PCSK7: variants seen among roughly 807,000 people sequenced by gnomAD.
PCSK7 encodes the protein lymphoma proprotein convertase.
A neutral mutation model predicts 73.3 loss-of-function variants in PCSK7; 38 were observed. The observed-to-expected ratio is 0.52, with a 90% CI of 0.40 to 0.68. The LOEUF (loss-of-function observed/expected upper bound fraction) is 0.68. PCSK7 is among the 30% of genes least tolerant of loss of function. The pLI, the probability that PCSK7 is intolerant of heterozygous loss-of-function variation, is 0.00. For missense variants in PCSK7, 692 were observed against 991.5 expected, an observed-to-expected ratio of 0.70 and a Z score of 4.06; for synonymous variants, 296 against 383.8, an observed-to-expected ratio of 0.77 and a Z score of 2.68.
chr11:117,220,664 C>T (rs2032156398), intron 9 of PCSK7: 1 of 152,340 alleles, frequency 6.6e-6, no homozygotes, highest in Non-Finnish European at 1.5e-5. Context: ...AGGGGAGCTA[C>T]TGGGCCCAGC....
Position 117,224,091 on chromosome 11 carries a change from G to A in PCSK7, c.1041C>T (p.Tyr347=), listed in dbSNP as rs2032313100. The change falls in exon 8 of 17, where the codon TAC becomes TAT. Residue 347 remains tyrosine, a synonymous_variant. Coordinates refer to ENST00000320934, the MANE Select transcript of PCSK7 (RefSeq NM_004716.4). ...CNYDGYANSI[Y]TVTIGAVDEE... is the part of the protein sequence containing the mutation. The stretch of plus-strand genomic sequence containing the variant: ...TTGGGTGACTACCTATGGTGACGGT[G>A]TAGATGGAGTTGGCGTAGCCATCGT... 9.9e-6 allele frequency: 16 copies of A among 1,614,106 alleles called. No homozygotes were observed. Among genetic ancestry groups the A allele is most frequent in the East Asian group, 6.7e-5 (3 of 44,900 alleles).
Position 117,229,596 on chromosome 11 carries a change from C to T in PCSK7, c.249G>A (p.Leu83=). 6.2e-7 allele frequency: 1 copy of T among 1,614,148 alleles called. No individual in the cohort carries two copies. Among genetic ancestry groups the T allele is most frequent in the African/African-American group, 1.3e-5 (1 of 75,080 alleles). The change falls in exon 3 of 17, where the codon CTG becomes CTA. Residue 83 remains leucine (L), a synonymous_variant. Transcript: ENST00000320934. ...GCTCTCCGATGCGTCCAGCATTCAC[C>T]AGCCCTGCTGCCTGGGCCAAGGCAT... ...QADALAQAAG[L]VNAGRIGELQ... is the part of the protein sequence containing the mutation.
chr11:117,218,588 G>C lies in PCSK7; in HGVS notation c.1432-20C>G. The C allele has an allele frequency of 2.2e-6, 3 of 1,366,330 alleles. No homozygotes were observed. Among genetic ancestry groups the C allele is most frequent in the Middle Eastern group, 1.8e-4 (1 of 5,524 alleles). The allele number at this position is 1,366,330 out of a possible 1,614,324, so 84.6% of individuals were successfully genotyped here. On this transcript the variant is annotated intron_variant, in intron 11 of 16. Transcript: ENST00000320934. The surrounding 1 kb of genome is among the most constrained non-coding windows in gnomAD (Gnocchi z 4.0). ...CCAGATCTATGAAAGGAAAGGAGGG[G>C]ATGGCAAATCAACAAACAAGAATGA...
At chr11:117,230,698 C>T (rs1389098809) in intron 1 of PCSK7, among the ~76,000 whole-genome samples, 1 of 152,160 alleles carries the variant, frequency 6.6e-6, no homozygotes, top group Non-Finnish European at 1.5e-5. Context: ...CATTTTGTTC[C>T]CCAGAGGCCT....
At chr11:117,215,364 T>TTTTTTTTGTGTGTGGG (rs57433360) in intron 12 of PCSK7, 1 of 84,920 alleles carries the variant, frequency 1.2e-5, no homozygotes, top group Non-Finnish European at 2.0e-5. Flanking sequence ...CCTGGCTAAT[T>TTTTTTTTGTGTGTGGG]TGTGTGTGTG....
chr11:117,223,483 C>T (rs911110432), intron 8 of PCSK7, 175 bp from the exon 9 acceptor site: 2 of 592,220 alleles, frequency 3.4e-6, no homozygotes, highest in Admixed American at 5.7e-5. Flanking sequence ...AACAGGCAGT[C>T]TCAAGTGGCA....
chr11:117,211,979 C>T (rs2031747248), intron 12 of PCSK7: 1 of 152,222 alleles, frequency 6.6e-6, no homozygotes, highest in African/African-American at 2.4e-5. Context: ...ACATATGTAT[C>T]AGATATTATT....
chr11:117,228,810 C>T lies in PCSK7; in HGVS notation c.469-460G>A, dbSNP rs187822905. On this transcript the variant is annotated intron_variant, in intron 3 of 16. Coordinates refer to ENST00000320934, the MANE Select transcript of PCSK7 (RefSeq NM_004716.4). Reference sequence around the variant, plus strand: ...TAATTTTTTGTATTTTTAGTAGAGACAGGGTTTCACTGTGTTAGCCAGGAT... The same window carrying T: ...TAATTTTTTGTATTTTTAGTAGAGATAGGGTTTCACTGTGTTAGCCAGGAT... Among the ~76,000 whole-genome samples, 636 of 152,080 alleles carry T rather than the reference C, an allele frequency of 4.2e-3. 3 individuals are homozygous for T. The highest frequency in any genetic ancestry group is 6.7e-3 in the Non-Finnish European group (456 of 67,994).
intron 7 of PCSK7, 36 bp downstream of exon 7, chr11:117,224,665 A>T: frequency 6.5e-7 from 1 of 1,548,504 alleles, no homozygotes; most frequent in Non-Finnish European, 8.9e-7. Flanking sequence ...TGAAGAGGGC[A>T]TCCCGTTTCT....
At chr11:117,229,878 A>G (rs500389) in intron 2 of PCSK7, 22 bp from the exon 3 acceptor site, 623,118 of 1,356,652 alleles carry the variant, frequency 0.46, 153,508 homozygotes, top group African/African-American at 0.78. Context: ...GAAAAAGGAT[A>G]TGGAAGAGAT....
rs1355569098 is a variant in PCSK7 at position 117,209,030 on chromosome 11, A to T, written c.1558T>A (p.Ser520Thr). 1 of 1,591,302 alleles carries T rather than the reference A, an allele frequency of 6.3e-7. No individual in the cohort carries two copies. The highest frequency in any genetic ancestry group is 8.6e-7 in the Non-Finnish European group (1 of 1,166,520). ...WNVSRMDLEMSGLKTLEHVAV... is the reference protein window; with the variant it reads ...WNVSRMDLEMTGLKTLEHVAV... The stretch of plus-strand genomic sequence containing the variant: ...ACATGCTCCAGGGTCTTCAGCCCTG[A>T]CATCTCCAGGTCCATCCTGCTGACT... Residue 520 changes from serine (S) to threonine (T), a missense_variant, in exon 13 of 17, where the codon TCA becomes ACA. By Grantham distance (58) the Ser-to-Thr change is moderately conservative. Coordinates refer to ENST00000320934, the MANE Select transcript of PCSK7 (RefSeq NM_004716.4).
intron 2 of PCSK7, chr11:117,230,113 C>T: frequency 2.4e-6 from 1 of 419,506 alleles, no homozygotes. Context: ...CTCACGACAC[C>T]AGCTAATCCA....
chr11:117,225,317 CT>C, intron 6 of PCSK7: 1 of 157,450 alleles, frequency 6.4e-6, no homozygotes, highest in Non-Finnish European at 1.4e-5. Flanking sequence ...ATGCCTCAGC[CT>C]CCCAAAGTGC....
At chr11:117,223,936 GCA>G in intron 8 of PCSK7, 140 bp downstream of exon 8, 1 of 833,488 alleles carries the variant, frequency 1.2e-6, no homozygotes, top group East Asian at 2.5e-5. Flanking sequence ...AAGGTCCTCT[GCA>G]AGCAGGGCTA....
intron 2 of PCSK7, chr11:117,230,112 C>G (rs185463206): frequency 1.7e-5 from 7 of 419,430 alleles, no homozygotes; most frequent in Middle Eastern, 6.2e-4. Context: ...CCTCACGACA[C>G]CAGCTAATCC....
chr11:117,227,029 C>T (rs1204436212), intron 5 of PCSK7, 128 bp downstream of exon 5: 9 of 700,264 alleles, frequency 1.3e-5, no homozygotes, highest in Admixed American at 1.2e-4. Flanking sequence ...TAAACTCACC[C>T]TTGCTCTATG....
intron 1 of PCSK7, among the ~76,000 whole-genome samples, chr11:117,230,834 G>A (rs537257047): frequency 5.3e-5 from 8 of 152,278 alleles, no homozygotes; most frequent in African/African-American, 7.2e-5. Flanking sequence ...AAGGAGGGAG[G>A]CGGCGGGGGC....
chr11:117,219,217 C>CA, intron 10 of PCSK7, 53 bp from the exon 11 acceptor site: 1 of 1,284,902 alleles, frequency 7.8e-7, no homozygotes, highest in Non-Finnish European at 1.1e-6. Context: ...GTAGTCTCAA[C>CA]AATCTGACTC....
At chr11:117,219,344 C>T in intron 10 of PCSK7, 180 bp from the exon 11 acceptor site, 1 of 632,652 alleles carries the variant, frequency 1.6e-6, no homozygotes. Flanking sequence ...ATGTCACCAC[C>T]CCACTGGCTT....
Sources: gnomAD v4.1 joint callset for allele counts (sites outside exome capture counted in the v4.1 genomes callset) on GRCh38, gnomAD v4.1.1 for gene constraint, Gnocchi (gnomAD v3.1) non-coding constraint, MANE v1.5 for transcripts, NCBI Gene and HGNC (gene_info 2026-07-23, HGNC 2026-07-21) for gene names.